Variants in SUGCT observed in about 807,000 individuals in gnomAD.
The protein encoded by SUGCT is succinyl-CoA:glutarate CoA-transferase.
SUGCT carries 41 observed loss-of-function variants against 55.0 expected under a neutral mutation model. That is an observed-to-expected ratio of 0.74 (90% CI 0.58 to 0.97). The LOEUF (loss-of-function observed/expected upper bound fraction) is 0.97, where lower values mean the gene tolerates loss of function less well. Ranked by LOEUF, SUGCT falls within the 50% of genes least tolerant of loss-of-function variation. The probability of loss-of-function intolerance (pLI) is 0.00; values close to 1 mark genes in which losing one functional copy is unlikely to be tolerated. For missense variants in SUGCT, 568 were observed against 547.8 expected (o/e 1.04, Z -0.37); for synonymous variants, 187 against 200.4 (o/e 0.93, Z 0.56).
chr7:40,681,733 A>C (rs148525046), intron 12 of SUGCT, among the ~76,000 whole-genome samples: 233 of 152,246 alleles, frequency 1.5e-3, no homozygotes, highest in South Asian at 6.9e-3. Flanking sequence ...GAAGTAGGGG[A>C]CCCACAGGCC....
the SUGCT span, among the ~76,000 whole-genome samples, chr7:41,001,419 T>A: frequency 3.3e-5 from 5 of 152,084 alleles, no homozygotes; most frequent in African/African-American, 9.7e-5. Flanking sequence ...TTGGAATGAG[T>A]TGTGGGAAGA....
intron 13 of SUGCT, among the ~76,000 whole-genome samples, chr7:40,802,635 T>A (rs532292897): frequency 4.9e-4 from 75 of 152,320 alleles, no homozygotes; most frequent in African/African-American, 1.8e-3. Context: ...GACAACCCAA[T>A]TCTGTTCAAA....
intron 11 of SUGCT, among the ~76,000 whole-genome samples, chr7:40,484,496 A>G (rs185592133): frequency 4.6e-5 from 7 of 152,238 alleles, no homozygotes; most frequent in African/African-American, 1.4e-4. Flanking sequence ...GGGTGGTCCT[A>G]TATCTTAGAG....
chr7:40,369,049 A>T (rs1784154355), intron 9 of SUGCT, among the ~76,000 whole-genome samples: 1 of 152,030 alleles, frequency 6.6e-6, no homozygotes, highest in Admixed American at 6.6e-5. Flanking sequence ...GGTTGCAGTG[A>T]GCTGAGATCA....
the SUGCT span, among the ~76,000 whole-genome samples, chr7:40,919,304 G>GT: frequency 2.0e-5 from 3 of 152,296 alleles, no homozygotes. Context: ...TTCCCTAAAA[G>GT]TAAGCTTCCT....
the SUGCT span, among the ~76,000 whole-genome samples, chr7:40,922,149 G>A: frequency 3.3e-5 from 5 of 152,162 alleles, no homozygotes; most frequent in Admixed American, 6.5e-5. Context: ...GGGTTTAGAG[G>A]GGTGAGGAGT....
chr7:40,906,135 GT>G, the SUGCT span, among the ~76,000 whole-genome samples: 48 of 141,506 alleles, frequency 3.4e-4, no homozygotes, highest in South Asian at 1.1e-3. Context: ...TTTGTTTTTT[GT>G]TTTTTTTTTT....
intron 12 of SUGCT, among the ~76,000 whole-genome samples, chr7:40,611,640 C>A (rs1376229621): frequency 6.6e-6 from 1 of 152,168 alleles, no homozygotes; most frequent in African/African-American, 2.4e-5. Context: ...AACAATAGTA[C>A]TCCTAGTAAT....
intron 9 of SUGCT, among the ~76,000 whole-genome samples, chr7:40,328,320 G>A (rs1035890218): frequency 6.6e-6 from 1 of 152,216 alleles, no homozygotes; most frequent in Non-Finnish European, 1.5e-5. Flanking sequence ...TGATGGTATA[G>A]TGAAGCAACT....
At chr7:40,160,830 GCAAA>G (rs762321444) in intron 1 of SUGCT, among the ~76,000 whole-genome samples, 8 of 151,968 alleles carry the variant, frequency 5.3e-5, no homozygotes, top group South Asian at 4.1e-4. Context: ...TTAGGTTGCA[GCAAA>G]CAAACAAAAA....
chr7:40,515,287 C>T (rs1793175018), intron 12 of SUGCT, among the ~76,000 whole-genome samples: 1 of 152,204 alleles, frequency 6.6e-6, no homozygotes, highest in African/African-American at 2.4e-5. Context: ...TGAATGGAAT[C>T]ATACACTATG....
intron 9 of SUGCT, among the ~76,000 whole-genome samples, chr7:40,440,058 A>T (rs1788419639): frequency 6.6e-6 from 1 of 150,440 alleles, no homozygotes; most frequent in Non-Finnish European, 1.5e-5. Flanking sequence ...TGCAGTGTGA[A>T]CTTTCTTCCT....
chr7:40,968,735 C>A, the SUGCT span, among the ~76,000 whole-genome samples: 97 of 152,218 alleles, frequency 6.4e-4, no homozygotes, highest in African/African-American at 2.2e-3. Flanking sequence ...GAGGAGTAAC[C>A]AAGGCTGGGG....
chr7:41,010,603 G>A, the SUGCT span, among the ~76,000 whole-genome samples: 3 of 152,266 alleles, frequency 2.0e-5, no homozygotes, highest in East Asian at 5.8e-4. Context: ...GATGAGAGTG[G>A]CCATAGGGTG....
chr7:40,780,775 CTTT>C (rs34455435), intron 13 of SUGCT, among the ~76,000 whole-genome samples: 6 of 134,808 alleles, frequency 4.5e-5, no homozygotes, highest in Non-Finnish European at 7.9e-5. Context: ...TCTTCTTCTT[CTTT>C]TTTTTTTTTT....
chr7:41,029,672 C>T, the SUGCT span, among the ~76,000 whole-genome samples: 2 of 152,152 alleles, frequency 1.3e-5, no homozygotes, highest in Non-Finnish European at 2.9e-5. Context: ...ATACCTTCCC[C>T]GTCCTCTCCC....
At chr7:40,257,831 G>T (rs1005294166) in intron 7 of SUGCT, among the ~76,000 whole-genome samples, 1 of 152,110 alleles carries the variant, frequency 6.6e-6, no homozygotes, top group African/African-American at 2.4e-5. Context: ...CCGAGATCAT[G>T]CCACTGTACT....
chr7:40,806,527 T>G (rs1029041648), intron 13 of SUGCT, among the ~76,000 whole-genome samples: 1 of 152,158 alleles, frequency 6.6e-6, no homozygotes, highest in Admixed American at 6.5e-5. Context: ...AGAGGAATTA[T>G]GGTGGTTCTG....
chr7:41,008,188 G>C, the SUGCT span, among the ~76,000 whole-genome samples: 1 of 152,224 alleles, frequency 6.6e-6, no homozygotes. Context: ...GCCTGTGGGA[G>C]GGAGGCGCCC....
Sources: allele counts gnomAD v4.1 joint callset (sites outside exome capture counted in the v4.1 genomes callset), GRCh38; gene constraint gnomAD v4.1.1; transcripts MANE v1.5; gene names NCBI Gene and HGNC (gene_info 2026-07-23, HGNC 2026-07-21).